Variants in RYR2 observed in about 807,000 individuals in gnomAD.
RYR2 encodes cardiac muscle ryanodine receptor-calcium release channel.
A neutral mutation model predicts 601.1 loss-of-function variants in RYR2; 227 were observed. That is an observed-to-expected ratio of 0.38 (90% CI 0.34 to 0.42). The LOEUF is 0.42. Ranked by LOEUF, RYR2 falls within the 10% of genes least tolerant of loss-of-function variation. The pLI is 1.00. For synonymous variants in RYR2, 2,223 were observed against 2,175.1 expected, an observed-to-expected ratio of 1.02 and a Z score of -0.61; for missense variants, 4,646 against 6,156.5, an observed-to-expected ratio of 0.75 and a Z score of 8.21.
chr1:237,215,684 T>C (rs994391410), intron 1 of RYR2, among the ~76,000 whole-genome samples: 1 of 152,190 alleles, frequency 6.6e-6, no homozygotes, highest in Admixed American at 6.5e-5. Context: ...TATAGGATGA[T>C]ATATGTAAAA....
intron 4 of RYR2, among the ~76,000 whole-genome samples, chr1:237,360,374 T>C (rs187404021): frequency 3.7e-4 from 57 of 152,334 alleles, no homozygotes; most frequent in Middle Eastern, 3.4e-3. Flanking sequence ...AAGCCCTAGA[T>C]ACCTCTTCTA....
intron 22 of RYR2, 41 bp from the exon 23 acceptor site, chr1:237,506,669 A>G: frequency 1.4e-6 from 2 of 1,462,514 alleles, no homozygotes; most frequent in African/African-American, 2.8e-5. Flanking sequence ...ATCTTATTGC[A>G]TTTGTTTCTG....
chr1:237,346,394 C>G (rs1384257125), intron 3 of RYR2, among the ~76,000 whole-genome samples: 1 of 125,064 alleles, frequency 8.0e-6, no homozygotes, highest in African/African-American at 3.0e-5. Context: ...AGTGCATATC[C>G]TGAGGATTTG....
chr1:237,798,890 A>G (rs1659607624), intron 97 of RYR2, among the ~76,000 whole-genome samples: 1 of 152,166 alleles, frequency 6.6e-6, no homozygotes, highest in Non-Finnish European at 1.5e-5. Flanking sequence ...ACATGCTTTT[A>G]AAAACGTAAT....
In RYR2 at chr1:237,073,090, A is replaced by G. The variant is rs187547546; in HGVS notation, c.48+30521A>G. ...ACTTAAGGACCTAGTGTAGAGGACT[A>G]TGAAGAGGATTGTTATAAGGAGTTA... On this transcript the variant is annotated intron_variant, in intron 1 of 104. Coordinates refer to ENST00000366574, the MANE Select transcript of RYR2 (RefSeq NM_001035.3). Among the ~76,000 whole-genome samples, 6 of 152,234 alleles carry G rather than the reference A, an allele frequency of 3.9e-5. No homozygotes were observed. The East Asian group carries it at 9.6e-4, about 24-fold the overall frequency.
intron 70 of RYR2, 57 bp downstream of exon 70, chr1:237,709,624 G>T: frequency 9.5e-7 from 1 of 1,051,784 alleles, no homozygotes. Context: ...CTGCTTACTT[G>T]CCTCCTAGGT....
intron 2 of RYR2, among the ~76,000 whole-genome samples, chr1:237,306,662 A>G (rs1343410215): frequency 1.3e-5 from 2 of 152,114 alleles, no homozygotes; most frequent in African/African-American, 2.4e-5. Flanking sequence ...TTTAGTTTTC[A>G]TGATTTAAGT....
chr1:237,427,769 C>G (rs1359637993), intron 12 of RYR2, among the ~76,000 whole-genome samples: 1 of 94,904 alleles, frequency 1.1e-5, no homozygotes, highest in Non-Finnish European at 1.9e-5. Flanking sequence ...GGCAACAGAG[C>G]AAGACTCTGC....
chr1:237,085,439 A>C (rs546858084), intron 1 of RYR2, among the ~76,000 whole-genome samples: 1 of 152,292 alleles, frequency 6.6e-6, no homozygotes, highest in South Asian at 2.1e-4. Context: ...AAAATTCTTA[A>C]CTTGCTCCGC....
chr1:237,593,437 G>A lies in RYR2; in HGVS notation c.4276-39G>A, dbSNP rs1329462664. ...GCAAATCCAAGTTTTGTTTTGTTTA[G>A]TTTTACTTTGCCAATATTTGGTTCT... On this transcript the variant is annotated intron_variant, in intron 32 of 104. Coordinates refer to ENST00000366574, the MANE Select transcript of RYR2 (RefSeq NM_001035.3). 1.9e-6 allele frequency: 3 copies of A among 1,561,550 alleles called. No individual in the cohort carries two copies. In the South Asian group the frequency reaches 3.6e-5, roughly 19 times the overall value.
chr1:237,563,411 C>A (rs200490892), intron 27 of RYR2, among the ~76,000 whole-genome samples: 65 of 132,542 alleles, frequency 4.9e-4, no homozygotes, highest in South Asian at 7.2e-4. Context: ...AACTCCATCT[C>A]AAAAAAAAAA....
In RYR2 at chr1:237,254,878, A is replaced by G. The variant is rs1477793858; in HGVS notation, c.49-15619A>G. 2.0e-5 allele frequency among the ~76,000 whole-genome samples: 3 copies of G among 152,222 alleles called. No individual in the cohort carries two copies. In the South Asian group the frequency reaches 6.2e-4, roughly 31 times the overall value. On this transcript the variant is annotated intron_variant, in intron 1 of 104. Transcript: ENST00000366574. ...TTTCATCTCTGAATACTTTATGCTT[A>G]TGGATAAACCAGGTGACAAGGAGAT...
At chr1:237,554,610 GAGTT>G (rs1670707204) in intron 27 of RYR2, among the ~76,000 whole-genome samples, 1 of 151,850 alleles carries the variant, frequency 6.6e-6, no homozygotes, top group Non-Finnish European at 1.5e-5. Flanking sequence ...CACGAGCCTA[GAGTT>G]TTATACTATA....
chr1:237,100,532 G>C (rs898107450), intron 1 of RYR2, among the ~76,000 whole-genome samples: 16 of 151,854 alleles, frequency 1.1e-4, no homozygotes, highest in African/African-American at 3.6e-4. Flanking sequence ...GATTACAGGC[G>C]CCCACCACCA....
At chr1:237,113,508 T>A (rs1311518431) in intron 1 of RYR2, among the ~76,000 whole-genome samples, 1 of 152,154 alleles carries the variant, frequency 6.6e-6, no homozygotes, top group African/African-American at 2.4e-5. Context: ...CCGGCCTCTC[T>A]TTTAGAAGAC....
In RYR2 at chr1:237,717,271, T is replaced by C; in HGVS notation, c.10397T>C (p.Ile3466Thr). The change falls in exon 72 of 105, where the codon ATT becomes ACT. Residue 3466 changes from isoleucine to threonine, a missense_variant. Physicochemically the swap from Ile to Thr is moderately conservative, Grantham distance 89. Transcript: ENST00000366574. The stretch of plus-strand genomic sequence containing the variant: ...CGGTATTCCATGCAGACCTCTCTGA[T>C]TGTAGCAGCTCTGAAGCGGTTACTG... ...GDRYSMQTSL[I>T]VAALKRLLPI... The C allele has an allele frequency of 1.9e-6, 3 of 1,613,694 alleles. No homozygotes were observed. The highest frequency in any genetic ancestry group is 1.7e-6 in the Non-Finnish European group (2 of 1,179,690).
chr1:237,196,401 A>T (rs577278566), intron 1 of RYR2, among the ~76,000 whole-genome samples: 1 of 152,274 alleles, frequency 6.6e-6, no homozygotes, highest in Non-Finnish European at 1.5e-5. Context: ...TCTAATAGCT[A>T]GCTAGATATT....
intron 10 of RYR2, among the ~76,000 whole-genome samples, chr1:237,408,054 T>A (rs1704085843): frequency 6.6e-6 from 1 of 152,086 alleles, no homozygotes; most frequent in Non-Finnish European, 1.5e-5. Flanking sequence ...AGATCAGAGG[T>A]TTTTAATTTT....
chr1:237,561,201 A>G (rs938298046), intron 27 of RYR2, among the ~76,000 whole-genome samples: 1 of 152,186 alleles, frequency 6.6e-6, no homozygotes, highest in Non-Finnish European at 1.5e-5. Context: ...GTTGTTTGAC[A>G]AGGTTTGATT....
Sources: gnomAD v4.1 joint callset for allele counts (sites outside exome capture counted in the v4.1 genomes callset) on GRCh38, gnomAD v4.1.1 for gene constraint, MANE v1.5 for transcripts, NCBI Gene and HGNC (gene_info 2026-07-23, HGNC 2026-07-21) for gene names.